CSMD1: variants seen among roughly 807,000 people sequenced by gnomAD.
CSMD1 encodes CUB and Sushi multiple domains 1.
A neutral mutation model predicts 417.5 loss-of-function variants in CSMD1; 213 were observed. That is an observed-to-expected ratio of 0.51 (90% CI 0.46 to 0.57). The LOEUF (loss-of-function observed/expected upper bound fraction) is 0.57, where lower values mean the gene tolerates loss of function less well. CSMD1 is among the 20% of genes least tolerant of loss of function. The probability of loss-of-function intolerance (pLI) is 0.00; values close to 1 mark genes in which losing one functional copy is unlikely to be tolerated. For synonymous variants in CSMD1, 2,862 were observed against 1,736.8 expected (o/e 1.65, Z -16.11); for missense variants, 6,923 against 4,529.7 (o/e 1.53, Z -15.17).
rs1554478155 is a variant in CSMD1 at position 4,441,107 on chromosome 8, T to TG, written c.303-21043_303-21042insC. On this transcript the variant is annotated intron_variant, in intron 2 of 69. Transcript: ENST00000635120. ...CGTTAATCAAAAGGTTTTTTTTTTT[T>TG]TTTTTTTTTTTAAGAGATAGGGTCT... Among the ~76,000 whole-genome samples the TG allele has an allele frequency of 1.6e-5, 2 of 125,074 alleles. 1 individual carries two copies. The highest frequency in any genetic ancestry group is 5.7e-5 in the African/African-American group (2 of 34,994). The allele number at this position is 125,074 out of a possible 152,430, so 82.1% of individuals were successfully genotyped here.
At position 3,519,077 on chromosome 8, in the gene CSMD1, T is replaced by C. The variant is rs186703293; in HGVS notation, c.1345-25351A>G. Among the ~76,000 whole-genome samples, 623 of 152,340 alleles carry C rather than the reference T, an allele frequency of 4.1e-3. 3 individuals carry two copies. Among genetic ancestry groups the C allele is most frequent in the South Asian group, 0.025 (119 of 4,822 alleles). The stretch of plus-strand genomic sequence containing the variant: ...TCCTCTTAAAACCAGAGTTAAGGAA[T>C]TTGACTTTTGTGCCTCACTGTCCCC... On this transcript the variant is annotated intron_variant, in intron 10 of 69. Transcript: ENST00000635120.
chr8:3,641,767 A>AC (rs1300705340), intron 7 of CSMD1, among the ~76,000 whole-genome samples: 3 of 152,126 alleles, frequency 2.0e-5, no homozygotes, highest in African/African-American at 7.2e-5. Context: ...TCGGTACCCA[A>AC]CCACTCACTA....
intron 5 of CSMD1, among the ~76,000 whole-genome samples, chr8:3,911,479 G>C (rs1357266405): frequency 6.7e-6 from 1 of 148,520 alleles, no homozygotes; most frequent in Non-Finnish European, 1.5e-5. Context: ...AGTGAGCCAA[G>C]ATTGCGCCAC....
At chr8:4,124,103 A>G (rs1307903439) in intron 3 of CSMD1, among the ~76,000 whole-genome samples, 3 of 152,206 alleles carry the variant, frequency 2.0e-5, no homozygotes, top group Admixed American at 6.5e-5. Flanking sequence ...AAAAAAGAGA[A>G]AGAAAAACTA....
intron 9 of CSMD1, among the ~76,000 whole-genome samples, chr8:3,580,288 A>G (rs1800327370): frequency 6.6e-6 from 1 of 152,108 alleles, no homozygotes; most frequent in Non-Finnish European, 1.5e-5. Flanking sequence ...CAGATAAAAG[A>G]TTTGTAAAGT....
intron 6 of CSMD1, among the ~76,000 whole-genome samples, chr8:3,737,264 A>T (rs1446439257): frequency 6.6e-6 from 1 of 152,178 alleles, no homozygotes; most frequent in Non-Finnish European, 1.5e-5. Flanking sequence ...GTAATGGCCT[A>T]TAAGTTTATC....
At chr8:4,984,607 T>G (rs943432844) in intron 1 of CSMD1, among the ~76,000 whole-genome samples, 2 of 152,158 alleles carry the variant, frequency 1.3e-5, no homozygotes, top group Non-Finnish European at 2.9e-5. Flanking sequence ...CCCTTCCTCC[T>G]CCATTATTTG....
At chr8:4,053,387 G>A (rs2130704237) in intron 3 of CSMD1, among the ~76,000 whole-genome samples, 1 of 151,382 alleles carries the variant, frequency 6.6e-6, no homozygotes, top group African/African-American at 2.4e-5. Flanking sequence ...TGTGTGCGCT[G>A]ACTGCCTCTA....
intron 6 of CSMD1, among the ~76,000 whole-genome samples, chr8:3,733,236 T>G (rs1796358754): frequency 7.0e-6 from 1 of 143,140 alleles, no homozygotes; most frequent in Non-Finnish European, 1.5e-5. Flanking sequence ...CACATACATA[T>G]ATTACACATA....
intron 5 of CSMD1, among the ~76,000 whole-genome samples, chr8:3,918,214 A>T (rs1808961102): frequency 6.6e-6 from 1 of 152,048 alleles, no homozygotes; most frequent in African/African-American, 2.4e-5. Flanking sequence ...AATTACCTGG[A>T]AGTGGGGATT....
chr8:4,950,953 G>C (rs1585393663), intron 1 of CSMD1, among the ~76,000 whole-genome samples: 1 of 147,452 alleles, frequency 6.8e-6, no homozygotes, highest in African/African-American at 2.6e-5. Flanking sequence ...AAAACTTGGA[G>C]ACTTGTGGTA....
chr8:4,540,238 T>C (rs759683637), intron 2 of CSMD1, among the ~76,000 whole-genome samples: 16 of 152,190 alleles, frequency 1.1e-4, no homozygotes, highest in Non-Finnish European at 2.1e-4. Context: ...TCAGATAATG[T>C]GGTAGATTCC....
chr8:4,051,177 TCCCTGCTGAGAA>T (rs1798404971), intron 3 of CSMD1, among the ~76,000 whole-genome samples: 2 of 78,190 alleles, frequency 2.6e-5, no homozygotes, highest in African/African-American at 8.1e-5. Flanking sequence ...GGCAGCACAA[TCCCTGCTGAGAA>T]TCTCTGCTGA....
chr8:4,629,132 G>C (rs1802349886), intron 2 of CSMD1, among the ~76,000 whole-genome samples: 2 of 152,020 alleles, frequency 1.3e-5, no homozygotes, highest in Non-Finnish European at 2.9e-5. Context: ...GAAACAAAAA[G>C]CATTCCTTTA....
chr8:3,833,040 G>C (rs925725530), intron 5 of CSMD1, among the ~76,000 whole-genome samples: 1 of 151,988 alleles, frequency 6.6e-6, no homozygotes, highest in African/African-American at 2.4e-5. Context: ...AAAGTAGTGA[G>C]GGCTTTCCAT....
chr8:3,725,372 G>C (rs9644278), intron 6 of CSMD1, among the ~76,000 whole-genome samples: 2 of 152,154 alleles, frequency 1.3e-5, no homozygotes, highest in South Asian at 4.2e-4. Flanking sequence ...CAAAGAACCT[G>C]GATGACCAGG....
chr8:4,278,406 T>C lies in CSMD1; in HGVS notation c.415+141547A>G, dbSNP rs958879583. Reference sequence around the variant, plus strand: ...CAGCTATACAGAATATGAATACATATTGAGCCACATGATACAATTACATCT... The same window carrying C: ...CAGCTATACAGAATATGAATACATACTGAGCCACATGATACAATTACATCT... On this transcript the variant is annotated intron_variant, in intron 3 of 69. Coordinates refer to ENST00000635120, the MANE Select transcript of CSMD1 (RefSeq NM_033225.6). 3.0e-4 allele frequency among the ~76,000 whole-genome samples: 45 copies of C among 152,318 alleles called. No individual in the cohort carries two copies. In the East Asian group the frequency reaches 7.3e-3, roughly 25 times the overall value.
At chr8:2,993,902 C>G (rs1292597105) in intron 54 of CSMD1, among the ~76,000 whole-genome samples, 1 of 151,142 alleles carries the variant, frequency 6.6e-6, no homozygotes, top group African/African-American at 2.4e-5. Context: ...TGCAATGGCT[C>G]ACTCCTGTAA....
intron 23 of CSMD1, among the ~76,000 whole-genome samples, chr8:3,342,050 T>C (rs1237320816): frequency 1.3e-5 from 2 of 152,254 alleles, no homozygotes; most frequent in African/African-American, 2.4e-5. Context: ...TATAGGTTGA[T>C]CTTGTAACAT....
Sources: allele counts gnomAD v4.1 joint callset (sites outside exome capture counted in the v4.1 genomes callset), GRCh38; gene constraint gnomAD v4.1.1; transcripts MANE v1.5; gene names NCBI Gene and HGNC (gene_info 2026-07-23, HGNC 2026-07-21).